The following PITX3 variants were observed in gnomAD, a reference collection of about 807,000 sequenced individuals.
PITX3 encodes the protein pituitary homeobox 3.
In PITX3, 4 loss-of-function variants were observed where a neutral mutation model predicts 14.2. The observed-to-expected ratio is 0.28, with a 90% CI of 0.14 to 0.65. The LOEUF is 0.65. Among genes scored for constraint, PITX3 ranks in the 30% least tolerant of loss-of-function variants. The pLI is 0.82. For synonymous variants in PITX3, 194 were observed against 204.5 expected, an observed-to-expected ratio of 0.95 and a Z score of 0.44; for missense variants, 358 against 426.8, an observed-to-expected ratio of 0.84 and a Z score of 1.42.
Position 102,232,109 on chromosome 10 carries a change from A to T in PITX3, c.-12-17T>A. On this transcript the variant is annotated splice_polypyrimidine_tract_variant and intron_variant, in intron 1 of 3. Transcript: ENST00000370002. ...GGGAGGGCTCTGGAGGCGAGAGAAG[A>T]CACAGACCAGGGTAATGGGGGTAAA... 1 of 1,416,628 alleles carries T rather than the reference A, an allele frequency of 7.1e-7. No homozygotes were observed. Among genetic ancestry groups the T allele is most frequent in the Non-Finnish European group, 9.8e-7 (1 of 1,018,816 alleles). 87.8% of individuals were successfully genotyped at this position (1,416,628 alleles called of 1,614,324 possible).
At chr10:102,234,135 G>A (rs1316987172) in intron 1 of PITX3, among the ~76,000 whole-genome samples, 2 of 152,222 alleles carry the variant, frequency 1.3e-5, no homozygotes, top group Non-Finnish European at 2.9e-5. Context: ...AGCCTAGATT[G>A]AGATGTGTGT....
chr10:102,239,085 A>G (rs1320644774), intron 1 of PITX3, among the ~76,000 whole-genome samples: 3 of 152,182 alleles, frequency 2.0e-5, no homozygotes, highest in Non-Finnish European at 2.9e-5. Context: ...ATTATGCTGT[A>G]GATTTCCATC....
At chr10:102,240,957 C>T (rs977334610) in intron 1 of PITX3, among the ~76,000 whole-genome samples, 1 of 152,024 alleles carries the variant, frequency 6.6e-6, no homozygotes, top group Non-Finnish European at 1.5e-5. Flanking sequence ...GCCCCGCCAG[C>T]TCCCCCGCTG....
intron 1 of PITX3, among the ~76,000 whole-genome samples, chr10:102,234,730 GA>G (rs943768955): frequency 2.0e-5 from 3 of 152,078 alleles, no homozygotes; most frequent in Non-Finnish European, 2.9e-5. Context: ...ATGGAGCTGG[GA>G]AAAAACCCAG....
intron 1 of PITX3, among the ~76,000 whole-genome samples, chr10:102,237,150 A>T (rs1312574840): frequency 2.0e-5 from 3 of 152,162 alleles, no homozygotes; most frequent in African/African-American, 4.8e-5. Flanking sequence ...CAGAGACCCT[A>T]TCTTGTAGGA....
At chr10:102,233,887 C>T (rs2070319116) in intron 1 of PITX3, among the ~76,000 whole-genome samples, 2 of 152,214 alleles carry the variant, frequency 1.3e-5, no homozygotes, top group South Asian at 2.1e-4. Flanking sequence ...AAGTTTCCCC[C>T]GCAGGGTCCC....
chr10:102,234,733 A>G (rs1590406901), intron 1 of PITX3, among the ~76,000 whole-genome samples: 1 of 152,174 alleles, frequency 6.6e-6, no homozygotes, highest in East Asian at 1.9e-4. Flanking sequence ...GAGCTGGGAA[A>G]AAACCCAGAG....
At chr10:102,232,159 C>T (rs2070263596) in intron 1 of PITX3, 67 bp from the exon 2 acceptor site, 2 of 880,218 alleles carry the variant, frequency 2.3e-6, no homozygotes, top group Admixed American at 4.0e-5. Context: ...TAGGTCCCAG[C>T]AGCGTTTCCT....
At chr10:102,240,132 A>T (rs1590408893) in intron 1 of PITX3, among the ~76,000 whole-genome samples, 3 of 152,286 alleles carry the variant, frequency 2.0e-5, no homozygotes, top group African/African-American at 7.2e-5. Context: ...TGGTCGCCTG[A>T]TACTCCAGCA....
rs769503226 is a variant in PITX3, at chr10:102,231,669, G to A, written c.240C>T (p.Thr80=). 2 of 1,612,532 alleles carry A rather than the reference G, an allele frequency of 1.2e-6. No homozygotes were observed. The highest frequency in any genetic ancestry group is 3.3e-5 in the Admixed American group (2 of 59,828). The change falls in exon 3 of 4, where the codon ACC becomes ACT. Residue 80 remains threonine, a synonymous_variant. Transcript: ENST00000370002. ...TGTCGGGGTAGCGGTTCCTCTGGAA[G>A]GTCGCCTCTAGCTCCTGTAGCTGCT... ...TSQQLQELEA[T]FQRNRYPDMS... is the part of the protein sequence containing the mutation.
intron 1 of PITX3, among the ~76,000 whole-genome samples, chr10:102,233,623 G>T (rs370784019): frequency 2.6e-5 from 4 of 152,038 alleles, no homozygotes; most frequent in South Asian, 4.2e-4. Flanking sequence ...TATTATTTCT[G>T]AAGAGATTTC....
In PITX3 at chr10:102,230,680, G is replaced by A; in HGVS notation, c.743C>T (p.Ala248Val). 1.3e-6 allele frequency: 2 copies of A among 1,580,058 alleles called. No homozygotes were observed. The highest frequency in any genetic ancestry group is 1.7e-6 in the Non-Finnish European group (2 of 1,164,188). Residue 248 changes from alanine to valine, a missense_variant, in exon 4 of 4, where the codon GCT (alanine) becomes GTT (valine). Ala to Val is a moderately conservative substitution (Grantham distance 64). Coordinates refer to ENST00000370002, the MANE Select transcript of PITX3 (RefSeq NM_005029.4). ...PYASAAAAAA[A>V]AASSPYVYRD... ...ATAGACGTAGGGGGAAGAGGCGGCA[G>A]CCGCGGCGGCGGCGGCGGCCGAGGC...
intron 3 of PITX3, among the ~76,000 whole-genome samples, 172 bp downstream of exon 3, chr10:102,231,416 C>A (rs1452315995): frequency 6.6e-6 from 1 of 151,686 alleles, no homozygotes. Context: ...GCAGTGGGAG[C>A]AGAGGCTGGA....
intron 1 of PITX3, among the ~76,000 whole-genome samples, chr10:102,233,385 C>T (rs2070306547): frequency 1.4e-5 from 2 of 141,022 alleles, no homozygotes; most frequent in Non-Finnish European, 3.0e-5. Context: ...CTCACTGCAA[C>T]CTCCACCTCC....
At chr10:102,235,155 A>G (rs1284704797) in intron 1 of PITX3, among the ~76,000 whole-genome samples, 4 of 140,710 alleles carry the variant, frequency 2.8e-5, no homozygotes, top group Non-Finnish European at 6.1e-5. Flanking sequence ...GGAGCTAGCC[A>G]TTATTACCCT....
At chr10:102,239,592 A>T (rs114952263) in intron 1 of PITX3, among the ~76,000 whole-genome samples, 19 of 152,350 alleles carry the variant, frequency 1.2e-4, no homozygotes, top group African/African-American at 4.6e-4. Flanking sequence ...AGGAATGGAC[A>T]TGGGAGTATG....
At chr10:102,240,585 C>T (rs1479238188) in intron 1 of PITX3, among the ~76,000 whole-genome samples, 3 of 152,214 alleles carry the variant, frequency 2.0e-5, no homozygotes, top group Non-Finnish European at 4.4e-5. Flanking sequence ...TTCTGTCCGC[C>T]ACTGCCAGAC....
chr10:102,237,736 G>A (rs1335555514), intron 1 of PITX3, among the ~76,000 whole-genome samples: 2 of 152,022 alleles, frequency 1.3e-5, no homozygotes, highest in African/African-American at 4.8e-5. Context: ...CCATACTTTA[G>A]TCATGGATTA....
At position 102,235,689 on chromosome 10, in the gene PITX3, G is replaced by A. The variant is rs1467014673; in HGVS notation, c.-12-3597C>T. 3.3e-5 allele frequency among the ~76,000 whole-genome samples: 5 copies of A among 152,290 alleles called. No individual in the cohort carries two copies. The East Asian group carries it at 9.6e-4, about 29-fold the overall frequency. ...TTCTATGAGCTGGGCATTGAGTTAG[G>A]CACTGAGGGTGGAGTGGTGGCTAAG... is the stretch of plus-strand genomic sequence containing the variant. On this transcript the variant is annotated intron_variant, in intron 1 of 3. Transcript: ENST00000370002.
Sources: gnomAD v4.1 joint callset for allele counts (sites outside exome capture counted in the v4.1 genomes callset) on GRCh38, gnomAD v4.1.1 for gene constraint, MANE v1.5 for transcripts, NCBI Gene and HGNC (gene_info 2026-07-23, HGNC 2026-07-21) for gene names.